Variants in LRP2BP observed in about 807,000 individuals in gnomAD.
LRP2BP encodes the protein LRP2 binding protein.
Under a neutral mutation model 45.2 loss-of-function variants are expected in LRP2BP, and 38 were observed. The ratio of observed to expected loss-of-function variants is 0.84; its 90% CI spans 0.65 to 1.10. LRP2BP has a LOEUF of 1.10. Ranked by LOEUF, LRP2BP falls within the 50% of genes least tolerant of loss-of-function variation. The pLI is 0.00. For missense variants in LRP2BP, 385 were observed against 418.9 expected, an observed-to-expected ratio of 0.92 and a Z score of 0.71; for synonymous variants, 153 against 153.9, an observed-to-expected ratio of 0.99 and a Z score of 0.04.
intron 3 of LRP2BP, among the ~76,000 whole-genome samples, chr4:185,375,993 G>A (rs2095436240): frequency 6.6e-6 from 1 of 152,110 alleles, no homozygotes; most frequent in South Asian, 2.1e-4. Flanking sequence ...GAGAGTAAGT[G>A]GGATATAGGT....
intron 1 of LRP2BP, among the ~76,000 whole-genome samples, chr4:185,393,737 T>G (rs1016784466): frequency 1.3e-4 from 19 of 151,858 alleles, no homozygotes; most frequent in Non-Finnish European, 2.5e-4. Flanking sequence ...TGTTGGCCAT[T>G]CTGGTCTCAA....
chr4:185,378,183 T>C lies in LRP2BP; in HGVS notation c.4A>G (p.Lys2Glu). 1.2e-6 allele frequency: 2 copies of C among 1,613,830 alleles called. No individual in the cohort carries two copies. The highest frequency in any genetic ancestry group is 1.7e-6 in the Non-Finnish European group (2 of 1,179,938). Reference protein sequence around the residue: MKLTSEKLPKNP... With the variant: MELTSEKLPKNP... ...TTGGGCAACTTTTCACTGGTCAACT[T>C]CATCCTTTTTCTGCAATGTGTATTC... The change falls in exon 2 of 9, where the codon AAG becomes GAG. Residue 2 changes from lysine to glutamate, a missense_variant. By Grantham distance (56) the Lys-to-Glu change is moderately conservative. Coordinates refer to ENST00000505916, the MANE Select transcript of LRP2BP (RefSeq NM_001377440.1).
At chr4:185,371,879 C>T (rs549493786) in intron 7 of LRP2BP, among the ~76,000 whole-genome samples, 18 of 152,050 alleles carry the variant, frequency 1.2e-4, no homozygotes, top group South Asian at 4.2e-4. Flanking sequence ...AGCTAGGGCT[C>T]GGAGAGGGGG....
At position 185,374,347 on chromosome 4, in the gene LRP2BP, C is replaced by T; in HGVS notation, c.445G>A (p.Val149Ile). 6.2e-7 allele frequency: 1 copy of T among 1,614,132 alleles called. No individual in the cohort carries two copies. Among genetic ancestry groups the T allele is most frequent in the South Asian group, 1.1e-5 (1 of 91,072 alleles). The change falls in exon 5 of 9, where the codon GTT becomes ATT. Residue 149 changes from valine to isoleucine, a missense_variant. Coordinates refer to ENST00000505916, the MANE Select transcript of LRP2BP (RefSeq NM_001377440.1). ...LGRAYYEGKGVKRSNEEAERL... is the reference protein window; with the variant it reads ...LGRAYYEGKGIKRSNEEAERL... ...TCAGCTTCCTCATTTGATCGTTTAA[C>T]ACCTTTTCCTTCATAATAAGCTCTT...
Position 185,372,782 on chromosome 4 carries a change from A to C in LRP2BP, c.803+74T>G. On this transcript the variant is annotated intron_variant, in intron 7 of 8. Transcript: ENST00000505916. ...CTGGCCTCTGGAACTGTGAGAAATAAATTTCTGTTTCTCATAAATTACCTA... is the reference window on the plus strand; with the variant it reads ...CTGGCCTCTGGAACTGTGAGAAATACATTTCTGTTTCTCATAAATTACCTA... The C allele has an allele frequency of 4.6e-6, 6 of 1,298,860 alleles. No individual in the cohort carries two copies. The East Asian group carries it at 1.4e-4, about 31-fold the overall frequency. The allele number at this position is 1,298,860 out of a possible 1,614,324, so 80.5% of individuals were successfully genotyped here. A position where few individuals can be genotyped will look rare whatever the true frequency, so the allele number is the denominator to read the frequency against.
At chr4:185,378,780 G>T (rs935896480) in intron 1 of LRP2BP, 1 of 985,414 alleles carries the variant, frequency 1.0e-6, no homozygotes, top group South Asian at 4.7e-5. Context: ...CTCATTTGGG[G>T]TGAAGGAGTC....
chr4:185,396,034 G>GC (rs1291865995), upstream of LRP2BP: 4 of 420,410 alleles, frequency 9.5e-6, no homozygotes, highest in Non-Finnish European at 1.3e-5. Flanking sequence ...GGCTTCACCA[G>GC]CCCCGCGGGT....
chr4:185,397,233 A>G (rs766242775), upstream of LRP2BP: 2 of 1,614,156 alleles, frequency 1.2e-6, no homozygotes. Flanking sequence ...CTGTCCACTT[A>G]GCCGCAGGAA....
At position 185,395,332 on chromosome 4, in the gene LRP2BP, C is replaced by T; in HGVS notation, c.-575G>A. 1.0e-6 allele frequency: 1 copy of T among 985,392 alleles called. No homozygotes were observed. The highest frequency in any genetic ancestry group is 1.2e-6 in the Non-Finnish European group (1 of 829,894). The allele number at this position is 985,392 out of a possible 1,614,324, so 61.0% of individuals were successfully genotyped here. ...ATATGCTAACTGCAGTATTTATGTT[C>T]AAAACTGTAAGAACGTGTCTGATAC... On this transcript the variant is annotated 5_prime_UTR_variant, in exon 1 of 9. Transcript: ENST00000505916.
chr4:185,396,571 C>A (rs981600487), upstream of LRP2BP: 3 of 301,658 alleles, frequency 9.9e-6, no homozygotes, highest in Admixed American at 1.1e-4. Context: ...TCCGTGGGGC[C>A]GCCGCGGGCC....
chr4:185,384,147 G>C (rs2095463592), intron 1 of LRP2BP, among the ~76,000 whole-genome samples: 1 of 152,134 alleles, frequency 6.6e-6, no homozygotes, highest in African/African-American at 2.4e-5. Flanking sequence ...GGAGGGTTCT[G>C]CTCTTAAGGA....
chr4:185,374,002 G>T, intron 6 of LRP2BP, 133 bp downstream of exon 6: 1 of 737,408 alleles, frequency 1.4e-6, no homozygotes, highest in Non-Finnish European at 2.2e-6. Context: ...ATCCTAAAAT[G>T]TATGCTTTCT....
chr4:185,378,295 A>G (rs1020562120), intron 1 of LRP2BP, 88 bp from the exon 2 acceptor site: 1 of 1,518,880 alleles, frequency 6.6e-7, no homozygotes, highest in African/African-American at 1.4e-5. Context: ...GGTGCTCATT[A>G]GGAAAAGCAT....
intron 1 of LRP2BP, among the ~76,000 whole-genome samples, chr4:185,387,504 T>C (rs2095475170): frequency 6.6e-6 from 1 of 152,152 alleles, no homozygotes; most frequent in East Asian, 1.9e-4. Context: ...CTAAATACAG[T>C]CTCAGGCGTG....
At chr4:185,376,296 G>A (rs78840722) in intron 3 of LRP2BP, among the ~76,000 whole-genome samples, 1 of 151,852 alleles carries the variant, frequency 6.6e-6, no homozygotes, top group African/African-American at 2.4e-5. Flanking sequence ...ACTTTTTTTT[G>A]AGAGGGAGTC....
intron 1 of LRP2BP, 176 bp from the exon 2 acceptor site, chr4:185,378,383 T>G: frequency 7.2e-7 from 1 of 1,389,756 alleles, no homozygotes; most frequent in Non-Finnish European, 9.3e-7. Context: ...ACCAAGACCC[T>G]CCTCCCTAGC....
At chr4:185,375,921 G>A (rs141986249) in intron 3 of LRP2BP, among the ~76,000 whole-genome samples, 195 bp from the exon 4 acceptor site, 125 of 152,160 alleles carry the variant, frequency 8.2e-4, no homozygotes, top group African/African-American at 2.6e-3. Flanking sequence ...AGTAACAGGC[G>A]CACGATGAGC....
At chr4:185,369,503 C>T (rs564875504) in intron 8 of LRP2BP, among the ~76,000 whole-genome samples, 4 of 152,182 alleles carry the variant, frequency 2.6e-5, no homozygotes, top group Non-Finnish European at 5.9e-5. Context: ...CTCAGCCTCC[C>T]GAAGTGCTGG....
At chr4:185,379,879 G>A (rs1268465167) in intron 1 of LRP2BP, among the ~76,000 whole-genome samples, 1 of 152,068 alleles carries the variant, frequency 6.6e-6, no homozygotes, top group Non-Finnish European at 1.5e-5. Flanking sequence ...AGAGTGCATT[G>A]GTACAATCAT....
Sources: gnomAD v4.1 joint callset for allele counts (sites outside exome capture counted in the v4.1 genomes callset) on GRCh38, gnomAD v4.1.1 for gene constraint, MANE v1.5 for transcripts, NCBI Gene and HGNC (gene_info 2026-07-23, HGNC 2026-07-21) for gene names.